SLC22A23: variants seen among roughly 807,000 people sequenced by gnomAD.
SLC22A23 encodes the protein ion transporter protein.
In SLC22A23, 26 loss-of-function variants were observed where a neutral mutation model predicts 61.0. That is an observed-to-expected ratio of 0.43 (90% CI 0.31 to 0.59). The LOEUF is 0.59. Among genes scored for constraint, SLC22A23 ranks in the 20% least tolerant of loss-of-function variants. The pLI is 0.11. For synonymous variants in SLC22A23, 430 were observed against 413.9 expected (o/e 1.04, Z -0.47); for missense variants, 796 against 934.7 (o/e 0.85, Z 1.94).
chr6:3,294,576 C>T (rs9378776), intron 5 of SLC22A23, among the ~76,000 whole-genome samples: 27,134 of 152,120 alleles, frequency 0.18, 3,737 homozygotes, highest in African/African-American at 0.37. Context: ...GCACTCATCC[C>T]GGGTCTCGTT....
At chr6:3,321,176 C>G (rs763989551) in intron 4 of SLC22A23, among the ~76,000 whole-genome samples, 2 of 152,228 alleles carry the variant, frequency 1.3e-5, no homozygotes, top group Non-Finnish European at 2.9e-5. Context: ...TGCGTTATTT[C>G]AGTCTTCAAA....
At chr6:3,278,248 C>G (rs1759093723) in intron 9 of SLC22A23, among the ~76,000 whole-genome samples, 1 of 152,236 alleles carries the variant, frequency 6.6e-6, no homozygotes, top group African/African-American at 2.4e-5. Flanking sequence ...GGGAGACTGA[C>G]AGCCACCTCT....
chr6:3,388,874 G>C (rs976315442), intron 3 of SLC22A23, among the ~76,000 whole-genome samples: 1 of 152,148 alleles, frequency 6.6e-6, no homozygotes, highest in Non-Finnish European at 1.5e-5. Context: ...CAAATTCAAA[G>C]AGACAGACAG....
chr6:3,432,872 G>C (rs528945955), intron 1 of SLC22A23, among the ~76,000 whole-genome samples: 154 of 152,310 alleles, frequency 1.0e-3, no homozygotes, highest in African/African-American at 3.4e-3. Flanking sequence ...ACTCATCCCT[G>C]TTGGGAGATA....
intron 3 of SLC22A23, among the ~76,000 whole-genome samples, chr6:3,398,816 T>C (rs187535992): frequency 1.4e-4 from 21 of 152,114 alleles, no homozygotes; most frequent in African/African-American, 4.3e-4. Flanking sequence ...AACTGCTTTA[T>C]CCAGGAGTTC....
At chr6:3,361,761 G>T (rs953401781) in intron 3 of SLC22A23, among the ~76,000 whole-genome samples, 3 of 152,206 alleles carry the variant, frequency 2.0e-5, no homozygotes, top group Non-Finnish European at 4.4e-5. Flanking sequence ...CACATTGTGG[G>T]GGCAAGAAGA....
chr6:3,394,498 T>C (rs979416011), intron 3 of SLC22A23, among the ~76,000 whole-genome samples: 1 of 152,184 alleles, frequency 6.6e-6, no homozygotes, highest in African/African-American at 2.4e-5. Context: ...GAGTGATTAG[T>C]TCTCCATTTA....
At chr6:3,404,310 T>C (rs1292486178) in intron 3 of SLC22A23, among the ~76,000 whole-genome samples, 4 of 152,242 alleles carry the variant, frequency 2.6e-5, no homozygotes, top group African/African-American at 7.2e-5. Context: ...TTGCACAGAC[T>C]TCTGGACAGA....
chr6:3,351,352 C>T (rs1303029808), intron 3 of SLC22A23, among the ~76,000 whole-genome samples: 9 of 151,924 alleles, frequency 5.9e-5, no homozygotes, highest in Non-Finnish European at 1.2e-4. Context: ...GGGTGGAAAA[C>T]GAAGGGGCGA....
At position 3,272,025 on chromosome 6, in the gene SLC22A23, A is replaced by C. The variant is rs565994854; in HGVS notation, c.*1030T>G. 101 of 152,598 alleles carry C rather than the reference A, an allele frequency of 6.6e-4. No individual in the cohort carries two copies. The highest frequency in any genetic ancestry group is 2.3e-3 in the African/African-American group (97 of 41,522). 9.5% of individuals were successfully genotyped at this position (152,598 alleles called of 1,614,324 possible). ...CCCAGCTCCTGCGGGTGCTCCCTGG[A>C]GTGATGTCTGAGGTGACGGCCATCC... On this transcript the variant is annotated 3_prime_UTR_variant, in exon 10 of 10. Coordinates refer to ENST00000406686, the MANE Select transcript of SLC22A23 (RefSeq NM_015482.2).
At position 3,340,766 on chromosome 6, in the gene SLC22A23, G is replaced by A. The variant is rs1034411199; in HGVS notation, c.914-16764C>T. Among the ~76,000 whole-genome samples, 9 of 152,194 alleles carry A rather than the reference G, an allele frequency of 5.9e-5. No individual in the cohort carries two copies. The East Asian group carries it at 1.2e-3, about 20-fold the overall frequency. ...ATGACGTGCTAGAGACATGAGAACC[G>A]AGAGACTGTCCTTAGGTACTTGTGG... On this transcript the variant is annotated intron_variant, in intron 3 of 9. Transcript: ENST00000406686.
At chr6:3,340,741 A>G (rs890125658) in intron 3 of SLC22A23, among the ~76,000 whole-genome samples, 1 of 152,222 alleles carries the variant, frequency 6.6e-6, no homozygotes, top group Non-Finnish European at 1.5e-5. Flanking sequence ...GGGCAGCCGC[A>G]TGACGTGCTA....
In SLC22A23 at chr6:3,356,617, C is replaced by G. The variant is rs1765123039; in HGVS notation, c.914-32615G>C. On this transcript the variant is annotated intron_variant, in intron 3 of 9. Transcript: ENST00000406686. ...CAAACCCGCTGGCCAGGACACCATC[C>G]ACGTGAAACATTTCTTCCTAAGCCT... Among the ~76,000 whole-genome samples, 2 of 152,138 alleles carry G rather than the reference C, an allele frequency of 1.3e-5. 1 individual carries two copies. Among genetic ancestry groups the G allele is most frequent in the African/African-American group, 4.8e-5 (2 of 41,436 alleles).
Position 3,329,188 on chromosome 6 carries a change from C to T in SLC22A23, c.914-5186G>A, listed in dbSNP as rs758940263. 4.3e-4 allele frequency among the ~76,000 whole-genome samples: 66 copies of T among 152,176 alleles called. No individual in the cohort carries two copies. Among genetic ancestry groups the T allele is most frequent in the Non-Finnish European group, 4.3e-4 (29 of 68,018 alleles). On this transcript the variant is annotated intron_variant, in intron 3 of 9. Transcript: ENST00000406686. This position sits in a 1 kb window ranked among gnomAD's most constrained non-coding sequence, Gnocchi z 4.8. ...CTCCCTCATCCCCCACAAACACACACACCGATCTAACTGTTCATTGGATTC... is the reference window on the plus strand; with the variant it reads ...CTCCCTCATCCCCCACAAACACACATACCGATCTAACTGTTCATTGGATTC...
chr6:3,420,002 T>C (rs542374632), intron 1 of SLC22A23, among the ~76,000 whole-genome samples: 1 of 152,310 alleles, frequency 6.6e-6, no homozygotes, highest in South Asian at 2.1e-4. Flanking sequence ...CATCCTTTAA[T>C]TAAGCTTGTT....
At chr6:3,419,108 C>T (rs538370884) in intron 1 of SLC22A23, among the ~76,000 whole-genome samples, 1 of 152,112 alleles carries the variant, frequency 6.6e-6, no homozygotes, top group Non-Finnish European at 1.5e-5. Context: ...TATAACTTTT[C>T]AGATTAAAGA....
chr6:3,329,028 C>T lies in SLC22A23; in HGVS notation c.914-5026G>A, dbSNP rs1763436117. Among the ~76,000 whole-genome samples, 1 of 152,156 alleles carries T rather than the reference C, an allele frequency of 6.6e-6. No individual in the cohort carries two copies. The highest frequency in any genetic ancestry group is 2.4e-5 in the African/African-American group (1 of 41,432). On this transcript the variant is annotated intron_variant, in intron 3 of 9. Coordinates refer to ENST00000406686, the MANE Select transcript of SLC22A23 (RefSeq NM_015482.2). The surrounding 1 kb of genome is among the most constrained non-coding windows in gnomAD (Gnocchi z 4.8). ...CCGTCTGTCAAAACACTGCAGCACC[C>T]AGGGAGGAGCCCCAGGGAGCACGCA...
chr6:3,296,579 G>A (rs992079168), intron 5 of SLC22A23, among the ~76,000 whole-genome samples: 2 of 152,188 alleles, frequency 1.3e-5, no homozygotes, highest in Admixed American at 1.3e-4. Flanking sequence ...GAGTGTCATC[G>A]TGTTTCTCGT....
Position 3,269,622 on chromosome 6 carries a change from C to T in SLC22A23, c.*3433G>A, listed in dbSNP as rs560549818. ...CACCGTCAGAGAATTCCCACCCACA[C>T]GTACAGAAACACAGTTTTTATATTA... On this transcript the variant is annotated 3_prime_UTR_variant, in exon 10 of 10. Transcript: ENST00000406686. The T allele has an allele frequency of 2.0e-5, 3 of 152,262 alleles. No individual in the cohort carries two copies. The highest frequency in any genetic ancestry group is 7.3e-5 in the African/African-American group (3 of 41,312). 9.4% of individuals were successfully genotyped at this position (152,262 alleles called of 1,614,324 possible). A position where few individuals can be genotyped will look rare whatever the true frequency, so the allele number is the denominator to read the frequency against.
Sources: allele counts gnomAD v4.1 joint callset (sites outside exome capture counted in the v4.1 genomes callset), GRCh38; gene constraint gnomAD v4.1.1; non-coding constraint Gnocchi (gnomAD v3.1); transcripts MANE v1.5; gene names NCBI Gene and HGNC (gene_info 2026-07-23, HGNC 2026-07-21).